Variants in ZNF324B observed in about 807,000 individuals in gnomAD.
ZNF324B encodes zinc finger protein 324B.
A neutral mutation model predicts 10.6 loss-of-function variants in ZNF324B; 7 were observed. The ratio of observed to expected loss-of-function variants is 0.66; its 90% CI spans 0.38 to 1.24. The LOEUF (loss-of-function observed/expected upper bound fraction) is 1.24, where lower values mean the gene tolerates loss of function less well. ZNF324B is among the 50% of genes most tolerant of loss of function. ZNF324B has a pLI of 0.02. For synonymous variants in ZNF324B, 316 were observed against 321.0 expected (o/e 0.98, Z 0.17); for missense variants, 640 against 764.7 (o/e 0.84, Z 1.92).
At chr19:58,426,381 T>C in the ZNF324B span, among the ~76,000 whole-genome samples, 1 of 152,044 alleles carries the variant, frequency 6.6e-6, no homozygotes, top group Admixed American at 6.6e-5. Context: ...GGGCTTCATA[T>C]TGATGGAGAG....
the ZNF324B span, chr19:58,441,476 TG>T: frequency 6.6e-6 from 1 of 152,238 alleles, no homozygotes; most frequent in South Asian, 2.1e-4. Flanking sequence ...GGAATAAGCA[TG>T]AGTAGGGGTG....
In ZNF324B at chr19:58,455,377, G is replaced by A; in HGVS notation, c.433G>A (p.Glu145Lys). 5 of 1,614,226 alleles carry A rather than the reference G, an allele frequency of 3.1e-6. No individual in the cohort carries two copies. The highest frequency in any genetic ancestry group is 4.2e-6 in the Non-Finnish European group (5 of 1,180,036). ...CACGGGGGTGTCGGTGATCTACTGGGAGAGGCTCCTGCTAGGCTCGCGCAG... is the reference window on the plus strand; with the variant it reads ...CACGGGGGTGTCGGTGATCTACTGGAAGAGGCTCCTGCTAGGCTCGCGCAG... ...KPTGVSVIYWERLLLGSRSDQ... is the reference protein window; with the variant it reads ...KPTGVSVIYWKRLLLGSRSDQ... Residue 145 changes from glutamate (E) to lysine (K), a missense_variant, in exon 4 of 4, where the codon GAG becomes AAG. Transcript: ENST00000336614. The surrounding 1 kb of genome is among the most constrained non-coding windows in gnomAD (Gnocchi z 7.0).
chr19:58,455,445 G>GC lies in ZNF324B; in HGVS notation c.507dup (p.Lys170GlnfsTer24). 1.2e-6 allele frequency: 2 copies of GC among 1,614,086 alleles called. No individual in the cohort carries two copies. Among genetic ancestry groups the GC allele is most frequent in the Non-Finnish European group, 8.5e-7 (1 of 1,179,976 alleles). On this transcript the variant is annotated frameshift_variant, in exon 4 of 4. Transcript: ENST00000336614. LOFTEE classifies it low-confidence loss of function (END_TRUNC). This position sits in a 1 kb window ranked among gnomAD's most constrained non-coding sequence, Gnocchi z 7.0. ...GCCTGCGACTGACCTCCCCACTCAG[G>GC]CCCCCCAAGAGCAGCCGGCCCAGGG...
At chr19:58,424,647 AT>A in the ZNF324B span, among the ~76,000 whole-genome samples, 11 of 152,174 alleles carry the variant, frequency 7.2e-5, no homozygotes, top group African/African-American at 2.4e-4. Flanking sequence ...AGTGTGATAA[AT>A]TTTTTTGAAA....
the ZNF324B span, among the ~76,000 whole-genome samples, chr19:58,428,003 A>G: frequency 6.6e-6 from 1 of 152,188 alleles, no homozygotes; most frequent in Non-Finnish European, 1.5e-5. Context: ...CTCAGGAAGG[A>G]AGGCCTGAGT....
At chr19:58,432,370 C>A in the ZNF324B span, 1 of 507,348 alleles carries the variant, frequency 2.0e-6, no homozygotes. Context: ...TCTGCACACC[C>A]TCACCCTGCA....
chr19:58,452,720 G>A, intron 1 of ZNF324B: 3 of 909,940 alleles, frequency 3.3e-6, no homozygotes, highest in African/African-American at 1.8e-5. Context: ...GCTGAGGACA[G>A]GGCCTATAAA....
the ZNF324B span, chr19:58,437,912 T>C: frequency 1.9e-6 from 1 of 519,578 alleles, no homozygotes; most frequent in Non-Finnish European, 2.5e-6. Context: ...TCTTTGCCTT[T>C]GTATGTGTTG....
At chr19:58,432,003 AAG>A in the ZNF324B span, among the ~76,000 whole-genome samples, 2 of 152,114 alleles carry the variant, frequency 1.3e-5, no homozygotes, top group Admixed American at 6.5e-5. Flanking sequence ...TCAAAAAAAA[AAG>A]GTGCCAAACA....
chr19:58,446,811 G>A (rs776989075), upstream of ZNF324B, among the ~76,000 whole-genome samples: 4 of 151,714 alleles, frequency 2.6e-5, no homozygotes, highest in Non-Finnish European at 2.9e-5. Context: ...TCCTGACCTC[G>A]TGATCCCCCC....
upstream of ZNF324B, among the ~76,000 whole-genome samples, chr19:58,448,910 A>G (rs1016486375): frequency 2.6e-5 from 4 of 152,242 alleles, no homozygotes; most frequent in African/African-American, 9.6e-5. Context: ...CTGTGGAGAA[A>G]TTCAAGAAAT....
At chr19:58,437,266 G>C in the ZNF324B span, 11 of 1,528,676 alleles carry the variant, frequency 7.2e-6, no homozygotes, top group Non-Finnish European at 2.6e-6. Context: ...GGACCTTGCT[G>C]TGTGACTCAG....
At chr19:58,431,421 A>G in the ZNF324B span, among the ~76,000 whole-genome samples, 2 of 152,160 alleles carry the variant, frequency 1.3e-5, no homozygotes, top group African/African-American at 2.4e-5. Context: ...CAGTGATGTG[A>G]GCCCAGGCCA....
upstream of ZNF324B, among the ~76,000 whole-genome samples, chr19:58,449,509 C>A (rs2052841200): frequency 6.6e-6 from 1 of 152,198 alleles, no homozygotes; most frequent in Admixed American, 6.5e-5. Context: ...TCAACACCAG[C>A]CCATGAAAGC....
chr19:58,445,722 G>A, the ZNF324B span: 1 of 326,392 alleles, frequency 3.1e-6, no homozygotes. Flanking sequence ...GGCTGAGGCA[G>A]GAGAATTGCT....
At chr19:58,432,239 T>TGGGTGC in the ZNF324B span, 2,185 of 498,196 alleles carry the variant, frequency 4.4e-3, 14 homozygotes, top group Non-Finnish European at 6.7e-3. Flanking sequence ...TGGGGAGTGA[T>TGGGTGC]GGGTGCCAAG....
the ZNF324B span, chr19:58,435,611 AC>A: frequency 1.2e-5 from 2 of 166,808 alleles, no homozygotes; most frequent in African/African-American, 4.8e-5. Flanking sequence ...AAAATAAATG[AC>A]AACAAATGAA....
rs1213230450 is a variant in ZNF324B at position 58,456,528 on chromosome 19, G to T, written c.1584G>T (p.Lys528Asn). ...GTTTCCTTCAGGGACATCATCGGAA[G>T]GTGCGCCGGGGAGGGAAGCCAAGCC... ...GPGFLQGHHRKVRRGGKPSPV... is the reference protein window; with the variant it reads ...GPGFLQGHHRNVRRGGKPSPV... The change falls in exon 4 of 4, where the codon AAG becomes AAT. Residue 528 changes from lysine (K) to asparagine (N), a missense_variant. Lys to Asn is a moderately conservative substitution (Grantham distance 94). Around this residue, in one of 3 missense-constraint regions of ZNF324B, gnomAD observed 238 missense variants for 258.0 expected, o/e 0.92. Transcript: ENST00000336614. This position sits in a 1 kb window ranked among gnomAD's most constrained non-coding sequence, Gnocchi z 4.7. 4.3e-6 allele frequency: 7 copies of T among 1,614,214 alleles called. No homozygotes were observed. The Admixed American group carries it at 5.0e-5, about 12-fold the overall frequency.
the ZNF324B span, among the ~76,000 whole-genome samples, chr19:58,439,598 G>T: frequency 0.025 from 3,808 of 152,348 alleles, 160 homozygotes; most frequent in African/African-American, 0.084. Flanking sequence ...CTGGATTCAG[G>T]ATGGTAAGGG....
Sources: gnomAD v4.1 joint callset for allele counts (sites outside exome capture counted in the v4.1 genomes callset) on GRCh38, gnomAD v4.1.1 for gene constraint, gnomAD v4.1.1 regional missense constraint, Gnocchi (gnomAD v3.1) non-coding constraint, MANE v1.5 for transcripts, NCBI Gene and HGNC (gene_info 2026-07-23, HGNC 2026-07-21) for gene names.